THSD4: variants seen among roughly 807,000 people sequenced by gnomAD.
THSD4 encodes thrombospondin type-1 domain-containing protein 4.
Under a neutral mutation model 119.0 loss-of-function variants are expected in THSD4, and 69 were observed. The ratio of observed to expected loss-of-function variants is 0.58; its 90% CI spans 0.48 to 0.71. The LOEUF (loss-of-function observed/expected upper bound fraction) is 0.71. THSD4 is among the 30% of genes least tolerant of loss of function. THSD4 has a pLI of 0.00. For synonymous variants in THSD4, 524 were observed against 540.4 expected, an observed-to-expected ratio of 0.97 and a Z score of 0.42; for missense variants, 1,393 against 1,391.1, an observed-to-expected ratio of 1.00 and a Z score of -0.02.
At chr15:71,284,735 A>G (rs1278764730) in intron 6 of THSD4, among the ~76,000 whole-genome samples, 3 of 152,188 alleles carry the variant, frequency 2.0e-5, no homozygotes, top group African/African-American at 7.2e-5. Context: ...ATGAAAGAAA[A>G]AAGTTTCCTA....
intron 6 of THSD4, among the ~76,000 whole-genome samples, chr15:71,332,483 T>C (rs1157267671): frequency 6.6e-6 from 1 of 152,234 alleles, no homozygotes; most frequent in Non-Finnish European, 1.5e-5. Flanking sequence ...TCAGGAATCC[T>C]AGAAGGAGAA....
chr15:71,421,158 CAAAAAAAAAAAAAAAAA>C lies in THSD4; in HGVS notation c.1152+9349_1152+9365del, dbSNP rs769831708. On this transcript the variant is annotated intron_variant, in intron 7 of 17. Coordinates refer to ENST00000261862, the MANE Select transcript of THSD4 (RefSeq NM_024817.3). ...TGGGTGATGGAGTGAGACTCCGTCT[CAAAAAAAAAAAAAAAAA>C]AAAAAAAAAAAAAGGAGTAGTTTAC... Among the ~76,000 whole-genome samples, 3 of 18,780 alleles carry C rather than the reference CAAAAAAAAAAAAAAAAA, an allele frequency of 1.6e-4. 1 individual carries two copies. The allele number at this position is 18,780 out of a possible 152,430, so 12.3% of individuals were successfully genotyped here. A position where few individuals can be genotyped will look rare whatever the true frequency, so the allele number is the denominator to read the frequency against.
intron 7 of THSD4, among the ~76,000 whole-genome samples, chr15:71,561,270 G>A (rs184322443): frequency 2.6e-5 from 4 of 152,154 alleles, no homozygotes; most frequent in African/African-American, 4.8e-5. Context: ...CACCGCACTC[G>A]GCTCTCTTTA....
intron 7 of THSD4, among the ~76,000 whole-genome samples, chr15:71,476,847 G>A (rs1033801085): frequency 3.2e-4 from 49 of 152,084 alleles, no homozygotes; most frequent in African/African-American, 1.1e-3. Context: ...CTTTTGGAAC[G>A]TTTACTTTTG....
intron 7 of THSD4, among the ~76,000 whole-genome samples, chr15:71,606,594 G>C (rs950447470): frequency 3.3e-5 from 5 of 152,316 alleles, no homozygotes; most frequent in African/African-American, 1.2e-4. Flanking sequence ...AGGCCAGAGT[G>C]CAATGGCATG....
At chr15:71,165,562 CT>C in intron 3 of THSD4, 7 of 646,656 alleles carry the variant, frequency 1.1e-5, no homozygotes, top group Non-Finnish European at 1.9e-5. Flanking sequence ...TAGCAAGAGC[CT>C]TTTTCCTGTA....
rs543155769 is a variant in THSD4, at chr15:71,656,277, G to A, written c.1153-4253G>A. Among the ~76,000 whole-genome samples, 120 of 152,200 alleles carry A rather than the reference G, an allele frequency of 7.9e-4. 1 individual carries two copies. Among genetic ancestry groups the A allele is most frequent in the Middle Eastern group, 3.4e-3 (1 of 294 alleles). ...TACATGGTTTTGACAAAGTGCTTTG[G>A]TTATGTAAGATATTATCGTTAGGGA... On this transcript the variant is annotated intron_variant, in intron 7 of 17. Coordinates refer to ENST00000261862, the MANE Select transcript of THSD4 (RefSeq NM_024817.3).
At chr15:71,595,480 C>T (rs772795509) in intron 7 of THSD4, among the ~76,000 whole-genome samples, 10 of 152,148 alleles carry the variant, frequency 6.6e-5, no homozygotes, top group South Asian at 4.1e-4. Context: ...AAGTGCCTTT[C>T]GCCTCCTGCC....
chr15:71,713,684 A>C (rs2052556387), intron 8 of THSD4, among the ~76,000 whole-genome samples: 1 of 152,188 alleles, frequency 6.6e-6, no homozygotes, highest in African/African-American at 2.4e-5. Context: ...AGTAGAATTT[A>C]GATATTAAGT....
intron 2 of THSD4, among the ~76,000 whole-genome samples, chr15:71,150,975 C>T (rs1293278505): frequency 2.0e-5 from 3 of 152,168 alleles, no homozygotes; most frequent in African/African-American, 7.2e-5. Flanking sequence ...AACAAACTCC[C>T]TGATCTCATG....
At chr15:71,164,530 C>G (rs1326197000) in intron 3 of THSD4, among the ~76,000 whole-genome samples, 3 of 151,886 alleles carry the variant, frequency 2.0e-5, no homozygotes, top group Non-Finnish European at 4.4e-5. Context: ...ATTTCCATGC[C>G]AATTTACAAC....
intron 7 of THSD4, among the ~76,000 whole-genome samples, chr15:71,524,839 C>T (rs1444679695): frequency 6.7e-6 from 1 of 148,284 alleles, no homozygotes; most frequent in Non-Finnish European, 1.5e-5. Context: ...ATCTCGATCT[C>T]CTGACCTTGT....
rs1221333389 is a variant in THSD4, at chr15:71,721,469, C to A, written c.1358-7080C>A. ...GTTGCAGTGAGCTGAGATTGTGCCACTGCACTCCAGCCTAGTGACAGAGCG... is the reference window on the plus strand; with the variant it reads ...GTTGCAGTGAGCTGAGATTGTGCCAATGCACTCCAGCCTAGTGACAGAGCG... On this transcript the variant is annotated intron_variant, in intron 8 of 17. Transcript: ENST00000261862. Among the ~76,000 whole-genome samples, 4 of 151,530 alleles carry A rather than the reference C, an allele frequency of 2.6e-5. No individual in the cohort carries two copies. The East Asian group carries it at 7.8e-4, about 30-fold the overall frequency.
intron 1 of THSD4, among the ~76,000 whole-genome samples, chr15:71,103,697 G>A (rs1273777553): frequency 6.6e-6 from 1 of 151,742 alleles, no homozygotes; most frequent in Non-Finnish European, 1.5e-5. Flanking sequence ...TGACTGCCTA[G>A]CTCCACTCCC....
intron 3 of THSD4, among the ~76,000 whole-genome samples, chr15:71,171,141 A>C (rs1425289051): frequency 1.3e-5 from 2 of 152,186 alleles, no homozygotes; most frequent in African/African-American, 4.8e-5. Flanking sequence ...GAAATAATAG[A>C]AAAGTTTCCA....
intron 7 of THSD4, among the ~76,000 whole-genome samples, chr15:71,610,844 A>G (rs1286339576): frequency 6.6e-6 from 1 of 152,162 alleles, no homozygotes; most frequent in African/African-American, 2.4e-5. Context: ...AGGGGCAGTT[A>G]TGTCATGGGA....
chr15:71,596,126 A>G (rs943534858), intron 7 of THSD4, among the ~76,000 whole-genome samples: 10 of 152,136 alleles, frequency 6.6e-5, no homozygotes, highest in African/African-American at 1.9e-4. Flanking sequence ...TCTTGTGAGT[A>G]TTTGTTTCAT....
In THSD4 at chr15:71,124,126, T is replaced by C. The variant is rs183245136; in HGVS notation, c.-80+8428T>C. On this transcript the variant is annotated intron_variant, in intron 1 of 17. Transcript: ENST00000261862. ...ACCACCATTTGACAGACTGTCAAGA[T>C]TGGGGGTCCGCATATTTTCTTGGAA... Among the ~76,000 whole-genome samples the C allele has an allele frequency of 5.4e-3, 820 of 152,292 alleles. 4 individuals carry two copies. The highest frequency in any genetic ancestry group is 0.02 in the Middle Eastern group (6 of 294).
At chr15:71,319,501 C>T (rs556930131) in intron 6 of THSD4, among the ~76,000 whole-genome samples, 1 of 150,164 alleles carries the variant, frequency 6.7e-6, no homozygotes, top group East Asian at 2.0e-4. Flanking sequence ...ATGCGGTGTT[C>T]AGTTTTCTGT....
Sources: allele counts gnomAD v4.1 joint callset (sites outside exome capture counted in the v4.1 genomes callset), GRCh38; gene constraint gnomAD v4.1.1; transcripts MANE v1.5; gene names NCBI Gene and HGNC (gene_info 2026-07-23, HGNC 2026-07-21).